Variants in CCNY observed in about 807,000 individuals in gnomAD.
CCNY encodes the protein cyclin Y.
CCNY carries 19 observed loss-of-function variants against 42.8 expected under a neutral mutation model. The ratio of observed to expected loss-of-function variants is 0.44; its 90% confidence interval spans 0.31 to 0.65. The LOEUF (loss-of-function observed/expected upper bound fraction) is 0.65, where lower values mean the gene tolerates loss of function less well. CCNY is among the 30% of genes least tolerant of loss of function. The probability of loss-of-function intolerance (pLI) is 0.07; values close to 1 mark genes in which losing one functional copy is unlikely to be tolerated. For missense variants in CCNY, 370 were observed against 437.3 expected (o/e 0.85, Z 1.37); for synonymous variants, 165 against 162.7 (o/e 1.01, Z -0.11).
chr10:35,566,916 G>C (rs1395928975), intron 9 of CCNY, among the ~76,000 whole-genome samples: 1 of 151,964 alleles, frequency 6.6e-6, no homozygotes, highest in Non-Finnish European at 1.5e-5. Flanking sequence ...GTTTCATTAT[G>C]TTGGCCAGGC....
At chr10:35,418,093 A>G (rs1199268285) in intron 1 of CCNY, among the ~76,000 whole-genome samples, 1 of 152,242 alleles carries the variant, frequency 6.6e-6, no homozygotes, top group African/African-American at 2.4e-5. Flanking sequence ...CAAAGTAGAA[A>G]CTGAATCATT....
intron 2 of CCNY, among the ~76,000 whole-genome samples, chr10:35,487,953 T>A (rs1442645863): frequency 6.6e-6 from 1 of 152,212 alleles, no homozygotes; most frequent in African/African-American, 2.4e-5. Context: ...TTTTCTGTAC[T>A]TATTTTAGTT....
At chr10:35,373,089 A>G (rs933566870) in intron 1 of CCNY, among the ~76,000 whole-genome samples, 3 of 152,250 alleles carry the variant, frequency 2.0e-5, no homozygotes, top group Non-Finnish European at 4.4e-5. Flanking sequence ...TAAATGTAAT[A>G]AAATGTAGTA....
At chr10:35,338,342 A>G (rs9418136) in intron 1 of CCNY, among the ~76,000 whole-genome samples, 10,572 of 152,292 alleles carry the variant, frequency 0.069, 584 homozygotes, top group African/African-American at 0.16. Context: ...TTAGGAGAGC[A>G]TCTTTATTAA....
chr10:35,530,434 AT>A lies in CCNY; in HGVS notation c.579+193del. 6.6e-6 allele frequency among the ~76,000 whole-genome samples: 1 copy of A among 152,218 alleles called. No individual in the cohort carries two copies. The highest frequency in any genetic ancestry group is 1.5e-5 in the Non-Finnish European group (1 of 68,032). On this transcript the variant is annotated intron_variant, in intron 7 of 9. Coordinates refer to ENST00000374704, the MANE Select transcript of CCNY (RefSeq NM_145012.6). The surrounding 1 kb of genome is among the most constrained non-coding windows in gnomAD (Gnocchi z 4.3). ...AGATATCCCGGAAGAGATTGTGAAG[AT>A]TGTTCTGTAGCCCCCACCTAAAGTC...
chr10:35,481,141 T>C (rs1319062175), intron 1 of CCNY, among the ~76,000 whole-genome samples: 3 of 152,244 alleles, frequency 2.0e-5, no homozygotes, highest in African/African-American at 7.2e-5. Flanking sequence ...TGACATACGG[T>C]ACATCGGTTT....
chr10:35,481,559 G>GA (rs1265925235), intron 1 of CCNY, among the ~76,000 whole-genome samples: 1 of 152,170 alleles, frequency 6.6e-6, no homozygotes, highest in Non-Finnish European at 1.5e-5. Flanking sequence ...GGCATGAAGG[G>GA]AATAAGGTAG....
intron 2 of CCNY, among the ~76,000 whole-genome samples, chr10:35,498,589 A>G (rs1461208658): frequency 6.6e-6 from 1 of 152,180 alleles, no homozygotes; most frequent in African/African-American, 2.4e-5. Flanking sequence ...CAGAGAGGGT[A>G]AAGTTACCCC....
chr10:35,350,681 G>A (rs74395203), intron 1 of CCNY, among the ~76,000 whole-genome samples: 1,756 of 152,284 alleles, frequency 0.012, 12 homozygotes, highest in Non-Finnish European at 0.018. Context: ...AAAACCCTTG[G>A]TTTGTTGCAT....
intron 1 of CCNY, among the ~76,000 whole-genome samples, chr10:35,455,751 G>T (rs1315006801): frequency 1.3e-5 from 2 of 149,410 alleles, no homozygotes; most frequent in Admixed American, 6.7e-5. Flanking sequence ...TATTTATGTG[G>T]TTAACAGATC....
At chr10:35,337,332 C>T in intron 1 of CCNY, 125 bp downstream of exon 1, 10 of 1,039,724 alleles carry the variant, frequency 9.6e-6, no homozygotes, top group Non-Finnish European at 1.3e-5. Flanking sequence ...ACCGGGGCTT[C>T]GCCCGCGCAG....
intron 1 of CCNY, among the ~76,000 whole-genome samples, chr10:35,425,962 G>A (rs1838255643): frequency 6.6e-6 from 1 of 152,032 alleles, no homozygotes; most frequent in African/African-American, 2.4e-5. Context: ...GGCTTCAGGA[G>A]AGGACTGCAG....
rs550569725 is a variant in CCNY, at chr10:35,311,948, T to A, written c.-9+61322T>A. The stretch of plus-strand genomic sequence containing the variant: ...CCACAGTGAGCTGTGATTATGCCAC[T>A]GCACTCCAGCCTGGGCAACAGAGCA... On this transcript the variant is annotated intron_variant, in intron 3 of 11. Transcript: ENST00000374706. 1.1e-4 allele frequency among the ~76,000 whole-genome samples: 16 copies of A among 152,318 alleles called. No homozygotes were observed. In the East Asian group the frequency reaches 3.1e-3, roughly 29 times the overall value.
At chr10:35,436,079 G>A (rs1838525737) in intron 1 of CCNY, among the ~76,000 whole-genome samples, 1 of 152,186 alleles carries the variant, frequency 6.6e-6, no homozygotes, top group Non-Finnish European at 1.5e-5. Flanking sequence ...ATGGGAGCTG[G>A]AGAGTTGGGC....
chr10:35,439,999 C>T (rs894237843), intron 1 of CCNY, among the ~76,000 whole-genome samples: 1 of 151,818 alleles, frequency 6.6e-6, no homozygotes, highest in Non-Finnish European at 1.5e-5. Context: ...AGTCCTGGCC[C>T]CCTACTTGGC....
At chr10:35,352,286 C>T (rs919861306) in intron 1 of CCNY, among the ~76,000 whole-genome samples, 7 of 152,164 alleles carry the variant, frequency 4.6e-5, no homozygotes, top group Non-Finnish European at 8.8e-5. Context: ...TAGTGGAGTT[C>T]CTTTCCTTTC....
intron 3 of CCNY, among the ~76,000 whole-genome samples, chr10:35,504,223 A>G (rs1311548329): frequency 6.6e-6 from 1 of 152,092 alleles, no homozygotes; most frequent in Non-Finnish European, 1.5e-5. Flanking sequence ...GTTCACCTCT[A>G]CCCCCAGGAC....
intron 1 of CCNY, among the ~76,000 whole-genome samples, chr10:35,393,892 G>C (rs766868123): frequency 2.0e-5 from 3 of 152,122 alleles, no homozygotes; most frequent in Non-Finnish European, 4.4e-5. Flanking sequence ...AACATAGCGA[G>C]ACCCTGTCTC....
chr10:35,299,257 G>A (rs868813602), intron 3 of CCNY, among the ~76,000 whole-genome samples: 24 of 152,210 alleles, frequency 1.6e-4, no homozygotes, highest in African/African-American at 3.1e-4. Context: ...AGGGTGGAGC[G>A]TTCTGTAAAA....
Sources: gnomAD v4.1 joint callset for allele counts (sites outside exome capture counted in the v4.1 genomes callset) on GRCh38, gnomAD v4.1.1 for gene constraint, Gnocchi (gnomAD v3.1) non-coding constraint, MANE v1.5 for transcripts, NCBI Gene and HGNC (gene_info 2026-07-23, HGNC 2026-07-21) for gene names.